The following XRCC4 variants were observed in gnomAD, a reference collection of about 807,000 sequenced individuals.
The protein encoded by XRCC4 is DNA repair protein XRCC4.
XRCC4 carries 28 observed loss-of-function variants against 39.1 expected under a neutral mutation model. That is an observed-to-expected ratio of 0.72 (90% confidence interval 0.53 to 0.98). XRCC4 has a LOEUF of 0.98. Among genes scored for constraint, XRCC4 ranks in the 50% least tolerant of loss-of-function variants. The probability of loss-of-function intolerance (pLI) is 0.00; values close to 1 mark genes in which losing one functional copy is unlikely to be tolerated. For synonymous variants in XRCC4, 123 were observed against 126.4 expected, an observed-to-expected ratio of 0.97 and a Z score of 0.18; for missense variants, 350 against 376.4, an observed-to-expected ratio of 0.93 and a Z score of 0.58.
chr5:83,190,107 C>T (rs1345823390), intron 3 of XRCC4, among the ~76,000 whole-genome samples: 2 of 152,022 alleles, frequency 1.3e-5, no homozygotes, highest in African/African-American at 4.8e-5. Context: ...TAGAAAGTCA[C>T]TAAACTGAAG....
At chr5:83,204,699 G>T in intron 5 of XRCC4, 116 bp from the exon 6 acceptor site, 1 of 626,780 alleles carries the variant, frequency 1.6e-6, no homozygotes, top group East Asian at 2.8e-5. Flanking sequence ...TTTTCAATAT[G>T]TTTGTCTAAT....
chr5:83,229,786 T>C (rs1422672022), intron 6 of XRCC4, among the ~76,000 whole-genome samples: 3 of 151,624 alleles, frequency 2.0e-5, no homozygotes, highest in East Asian at 3.9e-4. Flanking sequence ...GTAGTTGATA[T>C]GCAGTTTCAG....
intron 7 of XRCC4, among the ~76,000 whole-genome samples, chr5:83,294,084 G>T (rs557404805): frequency 4.9e-4 from 74 of 151,696 alleles, no homozygotes; most frequent in Non-Finnish European, 2.8e-4. Flanking sequence ...GGTATAAACA[G>T]TGCTTTAAAT....
intron 7 of XRCC4, among the ~76,000 whole-genome samples, chr5:83,300,875 C>T (rs1755260743): frequency 6.6e-6 from 1 of 152,038 alleles, no homozygotes; most frequent in South Asian, 2.1e-4. Context: ...TGATGGTTTC[C>T]AGGTTCATCC....
intron 3 of XRCC4, among the ~76,000 whole-genome samples, chr5:83,133,479 C>T (rs1375564677): frequency 1.3e-5 from 2 of 152,172 alleles, no homozygotes; most frequent in Non-Finnish European, 2.9e-5. Flanking sequence ...TAGGCCCTGC[C>T]CCCAAAGGTG....
intron 7 of XRCC4, among the ~76,000 whole-genome samples, chr5:83,302,371 C>G (rs1053803501): frequency 6.6e-6 from 1 of 152,136 alleles, no homozygotes; most frequent in East Asian, 1.9e-4. Flanking sequence ...CTGCAGGTTG[C>G]GAAGAACATG....
At position 83,245,321 on chromosome 5, in the gene XRCC4, A is replaced by G. The variant is rs532395012; in HGVS notation, c.746-13209A>G. The stretch of plus-strand genomic sequence containing the variant: ...ACCGAAACAAGAGATTTTGAAATTA[A>G]TCTGTTGCTGTGTAGACTTGGAGAA... On this transcript the variant is annotated intron_variant, in intron 6 of 7. Transcript: ENST00000396027. Among the ~76,000 whole-genome samples the G allele has an allele frequency of 3.1e-4, 47 of 152,194 alleles. 1 individual carries two copies. In the South Asian group the frequency reaches 9.5e-3, roughly 31 times the overall value.
rs570316611 is a variant in XRCC4 at position 83,172,512 on chromosome 5, C to G, written c.316-23258C>G. 5.3e-5 allele frequency among the ~76,000 whole-genome samples: 8 copies of G among 152,154 alleles called. No homozygotes were observed. In the East Asian group the frequency reaches 1.5e-3, roughly 29 times the overall value. On this transcript the variant is annotated intron_variant, in intron 3 of 7. Transcript: ENST00000396027. Reference sequence around the variant, plus strand: ...TAAATGGGATTATTAAACTATAAATCTAGAAGGATGAAGTTTATAGTGCTC... The same window carrying G: ...TAAATGGGATTATTAAACTATAAATGTAGAAGGATGAAGTTTATAGTGCTC...
the XRCC4 span, among the ~76,000 whole-genome samples, chr5:83,366,156 A>G: frequency 5.9e-5 from 9 of 152,198 alleles, no homozygotes; most frequent in African/African-American, 2.2e-4. Context: ...ATTAATGAAT[A>G]ATTCTAGACT....
At chr5:83,212,079 T>TAC (rs1030048273) in intron 6 of XRCC4, among the ~76,000 whole-genome samples, 1 of 151,992 alleles carries the variant, frequency 6.6e-6, no homozygotes, top group Non-Finnish European at 1.5e-5. Context: ...TATATATATA[T>TAC]ACACACATAC....
chr5:83,359,911 C>T, the XRCC4 span, among the ~76,000 whole-genome samples: 4 of 152,226 alleles, frequency 2.6e-5, no homozygotes, highest in African/African-American at 9.6e-5. Flanking sequence ...AATGCCATTA[C>T]ATGCAGCTAT....
chr5:83,174,928 G>A (rs1749885645), intron 3 of XRCC4, among the ~76,000 whole-genome samples: 1 of 152,100 alleles, frequency 6.6e-6, no homozygotes, highest in African/African-American at 2.4e-5. Context: ...AGCATTGTAG[G>A]CCTTATACTA....
At chr5:83,185,568 G>A (rs1750402056) in intron 3 of XRCC4, among the ~76,000 whole-genome samples, 2 of 151,470 alleles carry the variant, frequency 1.3e-5, no homozygotes, top group African/African-American at 4.8e-5. Context: ...GGATGTTCTT[G>A]GTAAAACTAG....
At chr5:83,303,803 T>C (rs1755381808) in intron 7 of XRCC4, among the ~76,000 whole-genome samples, 1 of 152,062 alleles carries the variant, frequency 6.6e-6, no homozygotes, top group Non-Finnish European at 1.5e-5. Context: ...TCCAAATGAG[T>C]GTAATTTCTA....
chr5:83,210,552 A>G (rs1161126809), intron 6 of XRCC4, among the ~76,000 whole-genome samples: 1 of 152,164 alleles, frequency 6.6e-6, no homozygotes. Flanking sequence ...TTGCCTTGTA[A>G]TATAATAATT....
At chr5:83,215,666 G>A (rs915342722) in intron 6 of XRCC4, among the ~76,000 whole-genome samples, 4 of 152,180 alleles carry the variant, frequency 2.6e-5, no homozygotes, top group Non-Finnish European at 5.9e-5. Flanking sequence ...GTAGAAGTAA[G>A]CCTTCATGTT....
intron 2 of XRCC4, among the ~76,000 whole-genome samples, chr5:83,107,304 A>T (rs191529529): frequency 2.2e-4 from 33 of 152,126 alleles, no homozygotes; most frequent in Admixed American, 5.9e-4. Context: ...TTACATGTAG[A>T]CAATAACATC....
intron 3 of XRCC4, among the ~76,000 whole-genome samples, chr5:83,160,869 G>A (rs371891631): frequency 4.0e-5 from 6 of 151,820 alleles, no homozygotes; most frequent in Admixed American, 1.3e-4. Context: ...TTTAAATTTG[G>A]TTACTTGGAA....
chr5:83,177,025 A>G (rs1328266055), intron 3 of XRCC4, among the ~76,000 whole-genome samples: 1 of 152,220 alleles, frequency 6.6e-6, no homozygotes. Context: ...AAGCAGTAAT[A>G]TTAGCATATA....
Sources: allele counts gnomAD v4.1 joint callset (sites outside exome capture counted in the v4.1 genomes callset), GRCh38; gene constraint gnomAD v4.1.1; transcripts MANE v1.5; gene names NCBI Gene and HGNC (gene_info 2026-07-23, HGNC 2026-07-21).